Variants in LMCD1 observed in about 807,000 individuals in gnomAD.
LMCD1 encodes the protein LIM and cysteine rich domains 1, also known as LIM and cysteine-rich domains protein 1.
Under a neutral mutation model 42.7 loss-of-function variants are expected in LMCD1, and 32 were observed. The ratio of observed to expected loss-of-function variants is 0.75; its 90% CI spans 0.57 to 1.01. The LOEUF (loss-of-function observed/expected upper bound fraction) is 1.01, where lower values mean the gene tolerates loss of function less well. LMCD1 is among the 50% of genes least tolerant of loss of function. LMCD1 has a pLI of 0.00. For synonymous variants in LMCD1, 178 were observed against 184.9 expected, an observed-to-expected ratio of 0.96 and a Z score of 0.30; for missense variants, 458 against 483.1, an observed-to-expected ratio of 0.95 and a Z score of 0.49.
intron 1 of LMCD1, among the ~76,000 whole-genome samples, chr3:8,512,657 C>G (rs1185619365): frequency 3.3e-5 from 5 of 152,220 alleles, no homozygotes; most frequent in African/African-American, 1.2e-4. Flanking sequence ...AAATGGCTGT[C>G]ATCACCCACC....
At chr3:8,564,020 G>A (rs951273789) in intron 4 of LMCD1, among the ~76,000 whole-genome samples, 6 of 152,176 alleles carry the variant, frequency 3.9e-5, no homozygotes, top group African/African-American at 1.4e-4. Context: ...GGAGCCTCAG[G>A]AGACATGACA....
chr3:8,567,304 T>G, intron 5 of LMCD1, 136 bp from the exon 6 acceptor site: 1 of 857,734 alleles, frequency 1.2e-6, no homozygotes. Context: ...TTATGCCAGA[T>G]TTTTCCACTA....
chr3:8,563,017 G>A (rs1695066846), intron 4 of LMCD1, among the ~76,000 whole-genome samples: 1 of 152,214 alleles, frequency 6.6e-6, no homozygotes. Flanking sequence ...GCAGACAGAT[G>A]CATCATCTGC....
chr3:8,565,376 T>C, intron 4 of LMCD1, 56 bp from the exon 5 acceptor site: 2 of 1,496,204 alleles, frequency 1.3e-6, no homozygotes, highest in Non-Finnish European at 1.9e-6. Flanking sequence ...TTCGAACCCA[T>C]GTCACTGTGC....
In LMCD1 at chr3:8,537,414, G is replaced by A; in HGVS notation, c.361G>A (p.Ala121Thr). 1 of 1,603,704 alleles carries A rather than the reference G, an allele frequency of 6.2e-7. No homozygotes were observed. Among genetic ancestry groups the A allele is most frequent in the Admixed American group, 1.7e-5 (1 of 59,626 alleles). The change falls in exon 3 of 6, where the codon GCT (alanine) becomes ACT (threonine). Residue 121 changes from alanine (A) to threonine (T), a missense_variant. Coordinates refer to ENST00000157600, the MANE Select transcript of LMCD1 (RefSeq NM_014583.4). Reference sequence around the variant, plus strand: ...TTTTGACACCATCACCTACGAGTGGGCTCCCCCTGGAGTCACCCAGAAACT... The same window carrying A: ...TTTTGACACCATCACCTACGAGTGGACTCCCCCTGGAGTCACCCAGAAACT... The part of the protein sequence containing the change: ...PTFDTITYEW[A>T]PPGVTQKLGL...
intron 4 of LMCD1, among the ~76,000 whole-genome samples, chr3:8,565,089 CT>C (rs1298556499): frequency 6.6e-6 from 1 of 152,084 alleles, no homozygotes; most frequent in Non-Finnish European, 1.5e-5. Context: ...TTAAATTGTT[CT>C]CAGTTTTAAT....
chr3:8,571,018 A>C lies in LMCD1; in HGVS notation c.*3420A>C, dbSNP rs1695205152. 1 of 152,074 alleles carries C rather than the reference A, an allele frequency of 6.6e-6. No homozygotes were observed. The highest frequency in any genetic ancestry group is 1.5e-5 in the Non-Finnish European group (1 of 68,018). The allele number at this position is 152,074 out of a possible 1,614,324, so 9.4% of individuals were successfully genotyped here. On this transcript the variant is annotated 3_prime_UTR_variant, in exon 6 of 6. Transcript: ENST00000157600. ...ATAGCTGAGTGGGATTCTGTACCAG[A>C]ATTGGAAAGATCCATGTTAACTCTT...
chr3:8,531,042 G>A (rs1694402152), intron 1 of LMCD1, among the ~76,000 whole-genome samples: 2 of 152,232 alleles, frequency 1.3e-5, no homozygotes, highest in Non-Finnish European at 2.9e-5. Context: ...AAGGCATGGA[G>A]TGAGGCATTA....
At chr3:8,507,384 CAG>C (rs1693905863) in intron 1 of LMCD1, among the ~76,000 whole-genome samples, 1 of 152,180 alleles carries the variant, frequency 6.6e-6, no homozygotes, top group African/African-American at 2.4e-5. Flanking sequence ...TTCACAAAAA[CAG>C]AAGAGACAAA....
At chr3:8,516,255 A>G (rs1261955254) in intron 1 of LMCD1, among the ~76,000 whole-genome samples, 2 of 152,176 alleles carry the variant, frequency 1.3e-5, no homozygotes, top group East Asian at 1.9e-4. Context: ...GAACAACAGC[A>G]GCTGCATCTC....
Position 8,551,058 on chromosome 3 carries a change from A to C in LMCD1, c.723+2155A>C, listed in dbSNP as rs577566954. ...TGGAAAAGGCCAAAGTCAGAAAATA[A>C]GTAGGGATTCCAAAGGAAGCCTTTA... On this transcript the variant is annotated intron_variant, in intron 4 of 5. Coordinates refer to ENST00000157600, the MANE Select transcript of LMCD1 (RefSeq NM_014583.4). The C allele has an allele frequency of 4.1e-6, 4 of 985,468 alleles. No individual in the cohort carries two copies. In the East Asian group the frequency reaches 4.5e-4, roughly 112 times the overall value. 61.0% of individuals were successfully genotyped at this position (985,468 alleles called of 1,614,324 possible).
chr3:8,514,082 A>G (rs1694052508), intron 1 of LMCD1, among the ~76,000 whole-genome samples: 1 of 152,076 alleles, frequency 6.6e-6, no homozygotes, highest in Non-Finnish European at 1.5e-5. Flanking sequence ...ATTTGTGTAT[A>G]TAGATAGATG....
intron 5 of LMCD1, 100 bp from the exon 6 acceptor site, chr3:8,567,340 T>C: frequency 8.3e-7 from 1 of 1,206,730 alleles, no homozygotes; most frequent in Admixed American, 2.4e-5. Context: ...AAAACAAGAA[T>C]AGGATGGGAT....
chr3:8,555,716 CTTTTTT>C (rs35525213), intron 4 of LMCD1, among the ~76,000 whole-genome samples: 1 of 63,268 alleles, frequency 1.6e-5, no homozygotes, highest in African/African-American at 7.4e-5. Flanking sequence ...CTTCAACGAG[CTTTTTT>C]TTTTTTTTTT....
chr3:8,517,071 T>G (rs1281674714), intron 1 of LMCD1, among the ~76,000 whole-genome samples: 1 of 152,210 alleles, frequency 6.6e-6, no homozygotes, highest in Non-Finnish European at 1.5e-5. Context: ...ACATACTTAG[T>G]CATGGTGAAT....
intron 4 of LMCD1, among the ~76,000 whole-genome samples, chr3:8,558,415 G>A (rs996744001): frequency 6.6e-6 from 1 of 152,182 alleles, no homozygotes; most frequent in Admixed American, 6.5e-5. Flanking sequence ...AAGGAACAAG[G>A]CAACACTTTA....
chr3:8,506,349 C>T (rs1446371616), intron 1 of LMCD1, among the ~76,000 whole-genome samples: 1 of 152,128 alleles, frequency 6.6e-6, no homozygotes, highest in African/African-American at 2.4e-5. Flanking sequence ...TTGGTTTGAT[C>T]CTCTCTTCAT....
At chr3:8,540,280 C>A (rs1040896993) in intron 3 of LMCD1, among the ~76,000 whole-genome samples, 3 of 152,148 alleles carry the variant, frequency 2.0e-5, no homozygotes, top group Non-Finnish European at 2.9e-5. Context: ...AAAGTCTGAG[C>A]AATTCTTAAG....
intron 1 of LMCD1, among the ~76,000 whole-genome samples, chr3:8,531,610 C>T (rs1005634693): frequency 4.6e-5 from 7 of 152,296 alleles, no homozygotes; most frequent in South Asian, 2.1e-4. Context: ...CTCCAAAATT[C>T]GTGCCTCTTT....
Sources: allele counts gnomAD v4.1 joint callset (sites outside exome capture counted in the v4.1 genomes callset), GRCh38; gene constraint gnomAD v4.1.1; transcripts MANE v1.5; gene names NCBI Gene and HGNC (gene_info 2026-07-23, HGNC 2026-07-21).